The following VAV3 variants were observed in gnomAD, a reference collection of about 807,000 sequenced individuals.
VAV3 encodes vav guanine nucleotide exchange factor 3, also known as guanine nucleotide exchange factor VAV3.
A neutral mutation model predicts 131.2 loss-of-function variants in VAV3; 94 were observed. That is an observed-to-expected ratio of 0.72 (90% CI 0.61 to 0.85). VAV3 has a LOEUF of 0.85. VAV3 is among the 40% of genes least tolerant of loss of function. The probability of loss-of-function intolerance (pLI) is 0.00; values close to 1 mark genes in which losing one functional copy is unlikely to be tolerated. For synonymous variants in VAV3, 349 were observed against 342.0 expected, an observed-to-expected ratio of 1.02 and a Z score of -0.22; for missense variants, 939 against 1,002.7, an observed-to-expected ratio of 0.94 and a Z score of 0.86.
chr1:107,781,452 CCA>C (rs1347687250), intron 2 of VAV3, among the ~76,000 whole-genome samples: 2 of 152,132 alleles, frequency 1.3e-5, no homozygotes, highest in African/African-American at 4.8e-5. Flanking sequence ...TTAATTAGCT[CCA>C]GTTAACCATT....
At chr1:107,852,705 G>A (rs751618097) in intron 2 of VAV3, among the ~76,000 whole-genome samples, 2 of 151,960 alleles carry the variant, frequency 1.3e-5, no homozygotes, top group African/African-American at 4.8e-5. Flanking sequence ...TATATCAACT[G>A]GTATCTTAAG....
intron 25 of VAV3, among the ~76,000 whole-genome samples, chr1:107,579,620 T>A (rs1284303907): frequency 6.6e-6 from 1 of 152,240 alleles, no homozygotes; most frequent in African/African-American, 2.4e-5. Flanking sequence ...CTCAGAAAAC[T>A]GCCAGCCAAA....
At chr1:107,913,742 T>C (rs954131266) in intron 1 of VAV3, among the ~76,000 whole-genome samples, 3 of 152,206 alleles carry the variant, frequency 2.0e-5, no homozygotes, top group Non-Finnish European at 2.9e-5. Context: ...GAGTGGAGTA[T>C]TAAGGAGGCA....
rs148494342 is a variant in VAV3, at chr1:107,573,852, A to G, written c.2502+195T>C. On this transcript the variant is annotated intron_variant, in intron 26 of 26. Transcript: ENST00000370056. ...CCAGGTGAATTTTATTTATGTCACT[A>G]TCATATTCATTTCAAATATTTTCAG... Among the ~76,000 whole-genome samples the G allele has an allele frequency of 4.4e-3, 670 of 152,284 alleles. 6 individuals are homozygous for G. Among genetic ancestry groups the G allele is most frequent in the African/African-American group, 0.016 (647 of 41,542 alleles).
At chr1:107,720,756 G>A (rs963757923) in intron 15 of VAV3, among the ~76,000 whole-genome samples, 7 of 152,256 alleles carry the variant, frequency 4.6e-5, no homozygotes, top group African/African-American at 1.4e-4. Flanking sequence ...TATCCTCTAC[G>A]AGCCTGCCAT....
chr1:107,728,021 A>T (rs1031999893), intron 15 of VAV3, among the ~76,000 whole-genome samples: 6 of 152,228 alleles, frequency 3.9e-5, no homozygotes, highest in Non-Finnish European at 7.3e-5. Context: ...TCATGCTAGT[A>T]TCAAGTATTC....
intron 9 of VAV3, among the ~76,000 whole-genome samples, chr1:107,764,202 C>G (rs998791525): frequency 6.6e-6 from 1 of 152,108 alleles, no homozygotes; most frequent in East Asian, 1.9e-4. Context: ...TATCGGCCTA[C>G]GTGCCACCTC....
chr1:107,822,425 C>G (rs1230634495), intron 2 of VAV3, among the ~76,000 whole-genome samples: 1 of 152,072 alleles, frequency 6.6e-6, no homozygotes, highest in East Asian at 1.9e-4. Context: ...GAGGCCAAGG[C>G]AGGCGGATCA....
At chr1:107,895,906 C>T (rs941466526) in intron 1 of VAV3, among the ~76,000 whole-genome samples, 11 of 151,976 alleles carry the variant, frequency 7.2e-5, no homozygotes, top group Non-Finnish European at 1.0e-4. Flanking sequence ...AGGAAATTAC[C>T]CCTGAAACAA....
In VAV3 at chr1:107,765,089, T is replaced by C. The variant is rs781100760; in HGVS notation, c.908A>G (p.Lys303Arg). 8 of 1,612,672 alleles carry C rather than the reference T, an allele frequency of 5.0e-6. No homozygotes were observed. In the South Asian group the frequency reaches 5.5e-5, roughly 11 times the overall value. ...DYISKTKEDV[K>R]LKLEECSKRA... ...ATAAATAGGCACCTCTAATTTCAGT[T>C]TGACATCTTCTTTTGTCTTAGAAAT... The change falls in exon 9 of 27, where the codon AAA (lysine) becomes AGA (arginine). Residue 303 changes from lysine (K) to arginine (R), a missense_variant. Transcript: ENST00000370056.
intron 2 of VAV3, among the ~76,000 whole-genome samples, chr1:107,814,996 A>C (rs1234989013): frequency 1.3e-5 from 2 of 152,120 alleles, no homozygotes; most frequent in African/African-American, 2.4e-5. Context: ...TGTATGAGAG[A>C]GCCCCCAAAA....
chr1:107,861,331 T>C (rs1669728093), intron 2 of VAV3, among the ~76,000 whole-genome samples: 1 of 151,620 alleles, frequency 6.6e-6, no homozygotes, highest in African/African-American at 2.4e-5. Flanking sequence ...CCTTTCATCA[T>C]TATACTTCAT....
Position 107,642,661 on chromosome 1 carries a change from G to A in VAV3, c.1872C>T (p.Thr624=), listed in dbSNP as rs751602990. The stretch of plus-strand genomic sequence containing the variant: ...GTGCATCTCCTTTCAGAAGTTCAAC[G>A]GTATCCCCGGCCTGGAGCTGTAAAG... ...GPPLQLQAGD[T]VELLKGDAHS... is the part of the protein sequence containing the mutation. Residue 624 remains threonine (T), a synonymous_variant, in exon 20 of 27, where the codon ACC becomes ACT. Coordinates refer to ENST00000370056, the MANE Select transcript of VAV3 (RefSeq NM_006113.5). 61 of 1,613,144 alleles carry A rather than the reference G, an allele frequency of 3.8e-5. No individual in the cohort carries two copies. The highest frequency in any genetic ancestry group is 1.7e-4 in the Middle Eastern group (1 of 6,042).
intron 2 of VAV3, among the ~76,000 whole-genome samples, chr1:107,826,623 A>G (rs1001351684): frequency 1.3e-5 from 2 of 152,172 alleles, no homozygotes; most frequent in Admixed American, 1.3e-4. Flanking sequence ...ATGAACTTCC[A>G]ATGTTAGCGA....
At chr1:107,720,258 C>T (rs945814776) in intron 15 of VAV3, among the ~76,000 whole-genome samples, 1 of 151,690 alleles carries the variant, frequency 6.6e-6, no homozygotes, top group Non-Finnish European at 1.5e-5. Flanking sequence ...TGGCACATGC[C>T]TGAAGTGCCA....
At chr1:107,909,253 A>G (rs1428533931) in intron 1 of VAV3, among the ~76,000 whole-genome samples, 5 of 152,222 alleles carry the variant, frequency 3.3e-5, no homozygotes, top group African/African-American at 2.4e-5. Flanking sequence ...CATTTCACAC[A>G]TAGAAAACTA....
chr1:107,750,270 G>T (rs143828492), intron 13 of VAV3, among the ~76,000 whole-genome samples: 1 of 152,170 alleles, frequency 6.6e-6, no homozygotes, highest in African/African-American at 2.4e-5. Flanking sequence ...AATGGTATAT[G>T]AGCCAAGTGT....
At chr1:107,735,045 T>A (rs1029803464) in intron 15 of VAV3, among the ~76,000 whole-genome samples, 1 of 152,190 alleles carries the variant, frequency 6.6e-6, no homozygotes, top group Admixed American at 6.5e-5. Flanking sequence ...AACTCAGGAT[T>A]AAGAAACTCA....
intron 1 of VAV3, among the ~76,000 whole-genome samples, chr1:107,880,474 A>C (rs184671000): frequency 4.6e-5 from 7 of 152,298 alleles, no homozygotes; most frequent in African/African-American, 1.7e-4. Flanking sequence ...GCTTTGTCCT[A>C]GAAGTGATGA....
Sources: gnomAD v4.1 joint callset for allele counts (sites outside exome capture counted in the v4.1 genomes callset) on GRCh38, gnomAD v4.1.1 for gene constraint, MANE v1.5 for transcripts, NCBI Gene and HGNC (gene_info 2026-07-23, HGNC 2026-07-21) for gene names.